The following DSCAM variants were observed in gnomAD, a reference collection of about 807,000 sequenced individuals.
DSCAM encodes cell adhesion molecule DSCAM.
DSCAM carries 47 observed loss-of-function variants against 217.7 expected under a neutral mutation model. The ratio of observed to expected loss-of-function variants is 0.22; its 90% CI spans 0.17 to 0.28. The LOEUF is 0.28. DSCAM is among the 10% of genes least tolerant of loss of function. DSCAM has a pLI of 1.00. For missense variants in DSCAM, 2,080 were observed against 2,618.3 expected (o/e 0.79, Z 4.49); for synonymous variants, 1,056 against 1,015.3 (o/e 1.04, Z -0.76).
intron 3 of DSCAM, among the ~76,000 whole-genome samples, chr21:40,447,051 T>C (rs890582547): frequency 4.6e-5 from 7 of 152,176 alleles, no homozygotes. Flanking sequence ...GCTTATTCTG[T>C]CATGCTCTGG....
rs187356333 is a variant in DSCAM at position 40,653,539 on chromosome 21, G to A, written c.508+39271C>T. 1.5e-3 allele frequency among the ~76,000 whole-genome samples: 229 copies of A among 152,160 alleles called. 1 individual carries two copies. The highest frequency in any genetic ancestry group is 3.0e-3 in the Non-Finnish European group (201 of 68,004). Reference sequence around the variant, plus strand: ...TGGAAACTTGGTAGCTGCAGATGCCGGCCGTGAATTGGTATCAGTGATGGA... The same window carrying A: ...TGGAAACTTGGTAGCTGCAGATGCCAGCCGTGAATTGGTATCAGTGATGGA... On this transcript the variant is annotated intron_variant, in intron 3 of 32. Coordinates refer to ENST00000400454, the MANE Select transcript of DSCAM (RefSeq NM_001389.5).
chr21:40,461,684 T>C (rs2075807124), intron 3 of DSCAM, among the ~76,000 whole-genome samples: 1 of 152,186 alleles, frequency 6.6e-6, no homozygotes, highest in East Asian at 1.9e-4. Context: ...CTGACTTTAA[T>C]GTAGGGAGAT....
intron 3 of DSCAM, among the ~76,000 whole-genome samples, chr21:40,638,939 A>G (rs1330523376): frequency 6.6e-6 from 1 of 152,164 alleles, no homozygotes; most frequent in African/African-American, 2.4e-5. Context: ...TAGAATTCTC[A>G]TTTTAGATCC....
chr21:40,484,132 C>A (rs376883033), intron 3 of DSCAM, among the ~76,000 whole-genome samples: 44 of 152,348 alleles, frequency 2.9e-4, no homozygotes, highest in African/African-American at 1.0e-3. Context: ...GGTTCCCCAC[C>A]TATAAACAAA....
At chr21:40,165,162 C>T (rs1004105876) in intron 16 of DSCAM, among the ~76,000 whole-genome samples, 11 of 152,280 alleles carry the variant, frequency 7.2e-5, no homozygotes, top group South Asian at 6.2e-4. Context: ...TTGGGGCTAA[C>T]GCTATTTCTC....
chr21:40,134,411 C>T (rs1244559846), intron 18 of DSCAM, among the ~76,000 whole-genome samples: 3 of 152,268 alleles, frequency 2.0e-5, no homozygotes, highest in East Asian at 3.9e-4. Context: ...GCCCCACTGC[C>T]GACTATTCAT....
At chr21:40,258,169 C>T (rs2059276385) in intron 11 of DSCAM, among the ~76,000 whole-genome samples, 1 of 152,184 alleles carries the variant, frequency 6.6e-6, no homozygotes, top group Non-Finnish European at 1.5e-5. Context: ...GTACCATATA[C>T]AAAAAGGAGA....
chr21:40,117,843 T>TA (rs1349636813), intron 20 of DSCAM, among the ~76,000 whole-genome samples: 5 of 152,092 alleles, frequency 3.3e-5, no homozygotes, highest in African/African-American at 1.2e-4. Flanking sequence ...TAGCCAGTGA[T>TA]AAAAAGTGGT....
chr21:40,475,562 A>G (rs2075926493), intron 3 of DSCAM, among the ~76,000 whole-genome samples: 1 of 152,208 alleles, frequency 6.6e-6, no homozygotes, highest in African/African-American at 2.4e-5. Context: ...CAAAATGGTC[A>G]GCCTGGCCGG....
chr21:40,820,684 T>C (rs797019417), intron 1 of DSCAM, among the ~76,000 whole-genome samples: 1 of 152,136 alleles, frequency 6.6e-6, no homozygotes. Context: ...TATCTTATGG[T>C]TGAACTCCAT....
intron 1 of DSCAM, among the ~76,000 whole-genome samples, chr21:40,758,448 C>T (rs182262688): frequency 2.8e-5 from 4 of 141,778 alleles, no homozygotes; most frequent in African/African-American, 5.3e-5. Context: ...ACCCGGGAGA[C>T]GGAGCTTGCA....
intron 3 of DSCAM, among the ~76,000 whole-genome samples, chr21:40,535,901 TCA>T (rs747987089): frequency 0.016 from 2,423 of 152,244 alleles, 53 homozygotes; most frequent in Admixed American, 0.037. Context: ...TCAACATGGA[TCA>T]TGATTTGGGA....
intron 1 of DSCAM, among the ~76,000 whole-genome samples, chr21:40,829,064 T>G (rs2091992554): frequency 6.6e-6 from 1 of 152,196 alleles, no homozygotes; most frequent in Non-Finnish European, 1.5e-5. Context: ...AATGCAACAC[T>G]GCTGTCAATT....
chr21:40,296,907 T>TTCATCTTG (rs2073961233), intron 9 of DSCAM, among the ~76,000 whole-genome samples: 1 of 151,610 alleles, frequency 6.6e-6, no homozygotes. Flanking sequence ...AATATAAGTA[T>TTCATCTTG]TCATCTTGGA....
At position 40,648,250 on chromosome 21, in the gene DSCAM, T is replaced by TACACACACACAC. The variant is rs10639388; in HGVS notation, c.508+44548_508+44559dup. Among the ~76,000 whole-genome samples, 189 of 145,786 alleles carry TACACACACACAC rather than the reference T, an allele frequency of 1.3e-3. 1 individual carries two copies. The highest frequency in any genetic ancestry group is 4.1e-3 in the African/African-American group (163 of 39,374). ...TCCTCTAATTTCATACATATCCCTGTACACACACACACACACACACACACA... is the reference window on the plus strand; with the variant it reads ...TCCTCTAATTTCATACATATCCCTGTACACACACACACACACACACACACACACACACACACA... On this transcript the variant is annotated intron_variant, in intron 3 of 32. Coordinates refer to ENST00000400454, the MANE Select transcript of DSCAM (RefSeq NM_001389.5).
rs150915821 is a variant in DSCAM, at chr21:40,636,847, T to C, written c.508+55963A>G. Among the ~76,000 whole-genome samples, 7 of 148,738 alleles carry C rather than the reference T, an allele frequency of 4.7e-5. No homozygotes were observed. The East Asian group carries it at 8.1e-4, about 17-fold the overall frequency. On this transcript the variant is annotated intron_variant, in intron 3 of 32. Transcript: ENST00000400454. ...TCCCTCAAAATAAACGCACCTGTCA[T>C]CAGTGTTCCCGGATCAGAGACAGGC...
chr21:40,207,764 G>C (rs984249763), intron 11 of DSCAM, among the ~76,000 whole-genome samples: 2 of 152,116 alleles, frequency 1.3e-5, no homozygotes, highest in Admixed American at 1.3e-4. Context: ...TTATCTCACA[G>C]TCCTGGAGGC....
intron 3 of DSCAM, among the ~76,000 whole-genome samples, chr21:40,489,774 C>CAAAAAAA (rs35247505): frequency 0.014 from 675 of 47,068 alleles, 85 homozygotes; most frequent in African/African-American, 0.035. Flanking sequence ...GACTCCGTCT[C>CAAAAAAA]AAAAAAAAAA....
At chr21:40,436,341 T>C (rs1369729326) in intron 3 of DSCAM, among the ~76,000 whole-genome samples, 2 of 152,208 alleles carry the variant, frequency 1.3e-5, no homozygotes, top group Admixed American at 6.5e-5. Context: ...CAAATTACAC[T>C]TGAACAGTAT....
Sources: gnomAD v4.1 joint callset for allele counts (sites outside exome capture counted in the v4.1 genomes callset) on GRCh38, gnomAD v4.1.1 for gene constraint, MANE v1.5 for transcripts, NCBI Gene and HGNC (gene_info 2026-07-23, HGNC 2026-07-21) for gene names.